ZNF138: variants seen among roughly 807,000 people sequenced by gnomAD.
ZNF138 encodes zinc finger protein 138.
In ZNF138, 33 loss-of-function variants were observed where a neutral mutation model predicts 33.0. That is an observed-to-expected ratio of 1.00 (90% CI 0.76 to 1.34). ZNF138 has a LOEUF of 1.34. Among genes scored for constraint, ZNF138 ranks in the 40% most tolerant of loss-of-function variants. The probability of loss-of-function intolerance (pLI) is 0.00; values close to 1 mark genes in which losing one functional copy is unlikely to be tolerated. For missense variants in ZNF138, 360 were observed against 370.8 expected (o/e 0.97, Z 0.24); for synonymous variants, 139 against 120.4 (o/e 1.15, Z -1.01).
At chr7:64,812,888 C>G (rs1303548979) in intron 1 of ZNF138, among the ~76,000 whole-genome samples, 1 of 135,896 alleles carries the variant, frequency 7.4e-6, no homozygotes, top group East Asian at 2.2e-4. Context: ...TGTCTCAAAT[C>G]GAGAACTGTG....
chr7:64,818,511 GGAGGCT>G (rs1160065407), intron 3 of ZNF138, among the ~76,000 whole-genome samples: 1 of 151,974 alleles, frequency 6.6e-6, no homozygotes, highest in Non-Finnish European at 1.5e-5. Context: ...CAGCACTTTG[GGAGGCT>G]GAGGTGGGCA....
chr7:64,817,219 G>A (rs1303387863), intron 3 of ZNF138, among the ~76,000 whole-genome samples: 1 of 151,800 alleles, frequency 6.6e-6, no homozygotes, highest in Non-Finnish European at 1.5e-5. Flanking sequence ...ACAGTAAAGG[G>A]CAAGGTCTGC....
At chr7:64,847,332 ATTTTTTT>A in the ZNF138 span, among the ~76,000 whole-genome samples, 5 of 128,134 alleles carry the variant, frequency 3.9e-5, no homozygotes, top group African/African-American at 1.5e-4. Flanking sequence ...ATATATATAT[ATTTTTTT>A]TTTTTTTTTC....
chr7:64,802,006 GAC>G (rs1787171960), intron 1 of ZNF138, among the ~76,000 whole-genome samples: 1 of 152,176 alleles, frequency 6.6e-6, no homozygotes, highest in Non-Finnish European at 1.5e-5. Flanking sequence ...CATGGCCTGT[GAC>G]ACAGCCCTCG....
chr7:64,823,448 A>G (rs565602048), intron 3 of ZNF138, among the ~76,000 whole-genome samples: 5 of 151,016 alleles, frequency 3.3e-5, no homozygotes, highest in African/African-American at 4.9e-5. Context: ...TGATCCTTCA[A>G]CCTCAGCCTC....
chr7:64,852,317 T>C, the ZNF138 span: 1 of 965,166 alleles, frequency 1.0e-6, no homozygotes, highest in Non-Finnish European at 1.6e-6. Context: ...TTTTGTTGCT[T>C]ATAGTCTTTA....
Position 64,794,559 on chromosome 7 carries a change from A to G in ZNF138, c.-10A>G. ...CAGCTAAGACGCCAGGATCCCCCGG[A>G]AGCCTAGAAATGGTGAGAGTGCTGG... On this transcript the variant is annotated 5_prime_UTR_variant, in exon 1 of 4. Transcript: ENST00000307355. 1 of 1,613,576 alleles carries G rather than the reference A, an allele frequency of 6.2e-7. No homozygotes were observed. The highest frequency in any genetic ancestry group is 8.5e-7 in the Non-Finnish European group (1 of 1,179,660).
intron 1 of ZNF138, among the ~76,000 whole-genome samples, chr7:64,804,542 A>G (rs1787418815): frequency 6.7e-6 from 1 of 149,528 alleles, no homozygotes; most frequent in Admixed American, 6.8e-5. Context: ...TGCTACAGGG[A>G]GAGGCGGAGG....
Position 64,833,256 on chromosome 7 carries a change from A to G in ZNF138, c.*1054A>G. On this transcript the variant is annotated 3_prime_UTR_variant, in exon 4 of 4. Coordinates refer to ENST00000307355, the MANE Select transcript of ZNF138 (RefSeq NM_001271639.2). ...ACTGGAGAGAAACCCCACAAATATGAAGAATGTGGTAATGCTTTTAACCAA... is the reference window on the plus strand; with the variant it reads ...ACTGGAGAGAAACCCCACAAATATGGAGAATGTGGTAATGCTTTTAACCAA... The G allele has an allele frequency of 5.3e-6, 1 of 187,368 alleles. No individual in the cohort carries two copies. Among genetic ancestry groups the G allele is most frequent in the Middle Eastern group, 8.6e-4 (1 of 1,166 alleles). 11.6% of individuals were successfully genotyped at this position (187,368 alleles called of 1,614,324 possible).
chr7:64,831,124 G>T, intron 3 of ZNF138: 2 of 1,550,354 alleles, frequency 1.3e-6, no homozygotes, highest in East Asian at 2.3e-5. Flanking sequence ...ACCAAGAGTT[G>T]GCAGTTTACT....
In ZNF138 at chr7:64,815,592, G is replaced by A. The variant is rs1221239637; in HGVS notation, c.147G>A (p.Leu49=). The A allele has an allele frequency of 1.2e-6, 2 of 1,612,268 alleles. No homozygotes were observed. ...CTAAGCCAGACCTGATTACCTGTCT[G>A]GAACAAGGAAAAGAGCCCTGGAATA... is the stretch of plus-strand genomic sequence containing the variant. ...NLVFLDLITC[L]EQGKEPWNMK... is the part of the protein sequence containing the mutation. Residue 49 remains leucine (L), a synonymous_variant, in exon 3 of 4, where the codon CTG becomes CTA. Transcript: ENST00000307355.
At chr7:64,801,723 A>C (rs1787151121) in intron 1 of ZNF138, among the ~76,000 whole-genome samples, 1 of 152,136 alleles carries the variant, frequency 6.6e-6, no homozygotes, top group Non-Finnish European at 1.5e-5. Context: ...TTGCTGCCTC[A>C]ATAATGTGTC....
chr7:64,823,971 G>A (rs1449958463), intron 3 of ZNF138, among the ~76,000 whole-genome samples: 1 of 152,096 alleles, frequency 6.6e-6, no homozygotes, highest in Non-Finnish European at 1.5e-5. Flanking sequence ...ATACGGCTTG[G>A]TATGATTTAT....
At chr7:64,807,529 G>A (rs1297491491) in intron 1 of ZNF138, among the ~76,000 whole-genome samples, 3 of 152,122 alleles carry the variant, frequency 2.0e-5, no homozygotes, top group African/African-American at 7.2e-5. Context: ...TGTATGAGGG[G>A]ATCTCTCCTT....
At chr7:64,853,366 C>A in the ZNF138 span, 1 of 1,421,162 alleles carries the variant, frequency 7.0e-7, no homozygotes, top group South Asian at 1.3e-5. Context: ...GTTGTTGGGC[C>A]CCACTCTCCT....
At chr7:64,860,024 C>T in the ZNF138 span, among the ~76,000 whole-genome samples, 10 of 152,282 alleles carry the variant, frequency 6.6e-5, no homozygotes, top group African/African-American at 2.4e-4. Flanking sequence ...ATGATCCCAG[C>T]TACTCAGGAA....
At chr7:64,828,864 G>C (rs6956506) in intron 3 of ZNF138, among the ~76,000 whole-genome samples, 149,913 of 152,098 alleles carry the variant, frequency 0.99, 73,914 homozygotes, top group East Asian at 1. Context: ...TCTATTTCTT[G>C]AAAACTGCAA....
chr7:64,838,467 C>T (rs10251806), downstream of ZNF138, among the ~76,000 whole-genome samples: 92,738 of 151,818 alleles, frequency 0.61, 28,642 homozygotes, highest in East Asian at 0.7. Flanking sequence ...CCTGGGAGAT[C>T]GTACCTCTAC....
chr7:64,796,429 G>C (rs1786693920), intron 1 of ZNF138, among the ~76,000 whole-genome samples: 1 of 149,934 alleles, frequency 6.7e-6, no homozygotes, highest in Non-Finnish European at 1.5e-5. Flanking sequence ...CACTCCCTGG[G>C]ATTGTCACCC....
Sources: gnomAD v4.1 joint callset for allele counts (sites outside exome capture counted in the v4.1 genomes callset) on GRCh38, gnomAD v4.1.1 for gene constraint, MANE v1.5 for transcripts, NCBI Gene and HGNC (gene_info 2026-07-23, HGNC 2026-07-21) for gene names.